CACNA2D3: variants seen among roughly 807,000 people sequenced by gnomAD.
CACNA2D3 encodes the protein voltage-dependent calcium channel subunit alpha-2/delta-3.
A neutral mutation model predicts 160.6 loss-of-function variants in CACNA2D3; 60 were observed. The ratio of observed to expected loss-of-function variants is 0.37; its 90% CI spans 0.30 to 0.46. The LOEUF is 0.46. Among genes scored for constraint, CACNA2D3 ranks in the 20% least tolerant of loss-of-function variants. The probability of loss-of-function intolerance (pLI) is 1.00; values close to 1 mark genes in which losing one functional copy is unlikely to be tolerated. For synonymous variants in CACNA2D3, 558 were observed against 492.9 expected (o/e 1.13, Z -1.75); for missense variants, 1,205 against 1,365.0 (o/e 0.88, Z 1.85).
chr3:54,702,397 TTAAGGAACTTAAACC>T (rs1451760578), intron 11 of CACNA2D3, among the ~76,000 whole-genome samples: 1 of 151,502 alleles, frequency 6.6e-6, no homozygotes, highest in Non-Finnish European at 1.5e-5. Flanking sequence ...GAACTTAAAC[TTAAGGAACTTAAACC>T]ACTCCATTAA....
chr3:54,901,299 G>A (rs1700326976), intron 27 of CACNA2D3: 1 of 152,132 alleles, frequency 6.6e-6, no homozygotes, highest in African/African-American at 2.4e-5. Flanking sequence ...CCCTTTCTTT[G>A]GGTTTCTAGT....
intron 11 of CACNA2D3, among the ~76,000 whole-genome samples, chr3:54,749,071 T>G (rs1433290925): frequency 6.6e-6 from 1 of 152,240 alleles, no homozygotes; most frequent in Non-Finnish European, 1.5e-5. Flanking sequence ...GTAACAGAAT[T>G]GTTCAGGAAG....
chr3:54,898,214 C>T (rs1352685731), intron 26 of CACNA2D3, among the ~76,000 whole-genome samples: 1 of 143,754 alleles, frequency 7.0e-6, no homozygotes, highest in Non-Finnish European at 1.5e-5. Flanking sequence ...TCTCTCTTCT[C>T]CGCCCCACCC....
At chr3:54,421,269 T>C (rs1258580591) in intron 4 of CACNA2D3, among the ~76,000 whole-genome samples, 2 of 152,200 alleles carry the variant, frequency 1.3e-5, no homozygotes, top group African/African-American at 2.4e-5. Flanking sequence ...ATATCTTTGT[T>C]TGTTTATTGT....
At chr3:54,600,527 G>A (rs1703041488) in intron 9 of CACNA2D3, among the ~76,000 whole-genome samples, 1 of 152,154 alleles carries the variant, frequency 6.6e-6, no homozygotes, top group African/African-American at 2.4e-5. Flanking sequence ...AGATCAGTAT[G>A]CCCCGGTTGG....
chr3:54,899,885 A>G lies in CACNA2D3; in HGVS notation c.2449+17A>G. On this transcript the variant is annotated intron_variant, in intron 27 of 37. Transcript: ENST00000474759. ...TGGTGGCAGGTAAATAATTGATTGA[A>G]TCCATGAAGACAAAGTAAGCATGGC... The G allele has an allele frequency of 3.9e-6, 6 of 1,556,492 alleles. No individual in the cohort carries two copies. The African/African-American group carries it at 5.4e-5, about 14-fold the overall frequency.
intron 35 of CACNA2D3, among the ~76,000 whole-genome samples, chr3:55,023,222 G>C (rs358045): frequency 6.6e-6 from 1 of 151,814 alleles, no homozygotes; most frequent in Non-Finnish European, 1.5e-5. Context: ...CCCCCGTTTC[G>C]GATGGCTTTT....
At chr3:54,359,254 A>C (rs1192307016) in intron 3 of CACNA2D3, among the ~76,000 whole-genome samples, 1 of 152,164 alleles carries the variant, frequency 6.6e-6, no homozygotes, top group Non-Finnish European at 1.5e-5. Flanking sequence ...AAACTCTATG[A>C]GATAATTGAG....
At chr3:55,055,811 G>T (rs1381349787) in intron 35 of CACNA2D3, among the ~76,000 whole-genome samples, 2 of 152,008 alleles carry the variant, frequency 1.3e-5, no homozygotes, top group Non-Finnish European at 2.9e-5. Flanking sequence ...TTATAAATGG[G>T]ATTGTCCTCC....
At chr3:54,962,193 G>A (rs545091631) in intron 27 of CACNA2D3, among the ~76,000 whole-genome samples, 1 of 152,306 alleles carries the variant, frequency 6.6e-6, no homozygotes, top group South Asian at 2.1e-4. Flanking sequence ...GAGTTTCAGA[G>A]AGGACCAACA....
chr3:54,607,242 T>A (rs1345388434), intron 9 of CACNA2D3, among the ~76,000 whole-genome samples: 8 of 152,292 alleles, frequency 5.3e-5, no homozygotes, highest in African/African-American at 1.9e-4. Flanking sequence ...GATCTGTTTC[T>A]CCCCACCTCC....
intron 4 of CACNA2D3, among the ~76,000 whole-genome samples, chr3:54,442,325 C>G (rs1025617577): frequency 3.3e-5 from 5 of 152,134 alleles, no homozygotes; most frequent in Non-Finnish European, 5.9e-5. Flanking sequence ...CACATAAAAG[C>G]ATACATTTTA....
chr3:54,616,630 C>T lies in CACNA2D3; in HGVS notation c.964-11157C>T, dbSNP rs186222796. On this transcript the variant is annotated intron_variant, in intron 9 of 37. Coordinates refer to ENST00000474759, the MANE Select transcript of CACNA2D3 (RefSeq NM_018398.3). ...GGAGGCTGGCTGCCAAAAGGGACGT[C>T]GATGTAGATGGTGTCAGGATATTGA... Among the ~76,000 whole-genome samples, 62 of 152,174 alleles carry T rather than the reference C, an allele frequency of 4.1e-4. No individual in the cohort carries two copies. The East Asian group carries it at 8.1e-3, about 20-fold the overall frequency.
At chr3:54,688,578 G>A (rs1442975724) in intron 11 of CACNA2D3, among the ~76,000 whole-genome samples, 1 of 151,842 alleles carries the variant, frequency 6.6e-6, no homozygotes, top group African/African-American at 2.4e-5. Flanking sequence ...ATTTAGGTCT[G>A]CATTATGATG....
chr3:54,378,190 C>G (rs118130703), intron 3 of CACNA2D3, among the ~76,000 whole-genome samples: 2 of 152,124 alleles, frequency 1.3e-5, no homozygotes, highest in Admixed American at 1.3e-4. Flanking sequence ...CATCAGGGAT[C>G]GGTTTCATGA....
chr3:54,717,744 GGTGTGGT>G (rs1559557642), intron 11 of CACNA2D3, among the ~76,000 whole-genome samples: 1 of 126,982 alleles, frequency 7.9e-6, no homozygotes, highest in African/African-American at 3.0e-5. Context: ...GTGCATGTGT[GGTGTGGT>G]GTGTGCAAGC....
At chr3:54,919,184 C>G (rs1700761931) in intron 27 of CACNA2D3, among the ~76,000 whole-genome samples, 1 of 152,194 alleles carries the variant, frequency 6.6e-6, no homozygotes, top group African/African-American at 2.4e-5. Context: ...CAAAAGCTGA[C>G]AAGAAGGCAC....
At chr3:54,581,730 C>T (rs1702681253) in intron 8 of CACNA2D3, 73 bp from the exon 9 acceptor site, 1 of 1,228,468 alleles carries the variant, frequency 8.1e-7, no homozygotes, top group Non-Finnish European at 1.2e-6. Flanking sequence ...TGTGTGCGTA[C>T]CTCCTTAAAT....
chr3:55,033,675 A>ATTTTATAT (rs1703727859), intron 35 of CACNA2D3, among the ~76,000 whole-genome samples: 2 of 115,700 alleles, frequency 1.7e-5, no homozygotes, highest in Admixed American at 1.1e-4. Flanking sequence ...TATAAAATAT[A>ATTTTATAT]AATGTGTATA....
Sources: allele counts gnomAD v4.1 joint callset (sites outside exome capture counted in the v4.1 genomes callset), GRCh38; gene constraint gnomAD v4.1.1; transcripts MANE v1.5; gene names NCBI Gene and HGNC (gene_info 2026-07-23, HGNC 2026-07-21).